The following SEPTIN1 variants were observed in gnomAD, a reference collection of about 807,000 sequenced individuals.
SEPTIN1 encodes the protein septin 1, also known as septin-1.
In SEPTIN1, 52 loss-of-function variants were observed where a neutral mutation model predicts 50.7. That is an observed-to-expected ratio of 1.03 (90% CI 0.82 to 1.29). The LOEUF is 1.29. Among genes scored for constraint, SEPTIN1 ranks in the 50% most tolerant of loss-of-function variants. SEPTIN1 has a pLI of 0.00. For missense variants in SEPTIN1, 455 were observed against 490.7 expected (o/e 0.93, Z 0.69); for synonymous variants, 204 against 189.1 (o/e 1.08, Z -0.65).
rs1256094548 is a variant in SEPTIN1, at chr16:30,381,250, C to G, written c.456-6G>C. The stretch of plus-strand genomic sequence containing the variant: ...CCACATCTAGGGGCCGGAGCCTGCA[C>G]CCAGGGATTGGTCATTGCCCAGCCT... On this transcript the variant is annotated splice_region_variant and splice_polypyrimidine_tract_variant and intron_variant, in intron 5 of 10. Coordinates refer to ENST00000321367, the MANE Select transcript of SEPTIN1 (RefSeq NM_001365977.2). This position sits in a 1 kb window ranked among gnomAD's most constrained non-coding sequence, Gnocchi z 4.3. 6.2e-7 allele frequency: 1 copy of G among 1,613,780 alleles called. No homozygotes were observed. The highest frequency in any genetic ancestry group is 1.1e-5 in the South Asian group (1 of 91,082).
rs543538377 is a variant in SEPTIN1 at position 30,379,986 on chromosome 16, G to T, written c.621C>A (p.Pro207=). The change falls in exon 7 of 11, where the codon CCC becomes CCA. Residue 207 remains proline (P), a synonymous_variant. Transcript: ENST00000321367. The stretch of plus-strand genomic sequence containing the variant: ...CTTCATCTTCATCAGAGTCACATTC[G>T]GGGAACTGGTAGATGTGGATCTCCT... ...KEEEIHIYQF[P]ECDSDEDEDF... The T allele has an allele frequency of 3.7e-6, 6 of 1,610,560 alleles. No homozygotes were observed. Among genetic ancestry groups the T allele is most frequent in the Non-Finnish European group, 4.2e-6 (5 of 1,177,264 alleles).
chr16:30,381,458 CA>C lies in SEPTIN1; in HGVS notation c.335del (p.Val112GlyfsTer18). Reference protein sequence around the residue: ...VDCSDCWLPVVKFIEEQFEQY... With the variant: ...VDCSDCWLPVXKFIEEQFEQY... ...GCTCAAATTGCTCCTCGATGAATTT[CA>C]CCACCGGAAGCCAGCTGGGTGTGGG... On this transcript the variant is annotated frameshift_variant, in exon 5 of 11. Transcript: ENST00000321367. LOFTEE classifies it high-confidence loss of function. The surrounding 1 kb of genome is among the most constrained non-coding windows in gnomAD (Gnocchi z 4.3). The C allele has an allele frequency of 6.2e-7, 1 of 1,614,046 alleles. No individual in the cohort carries two copies. The highest frequency in any genetic ancestry group is 8.5e-7 in the Non-Finnish European group (1 of 1,180,008).
rs762312601 is a variant in SEPTIN1, at chr16:30,381,244, C to T, written c.456G>A (p.Gly152=). ...GGAAGGCCACATCTAGGGGCCGGAG[C>T]CTGCACCCAGGGATTGGTCATTGCC... is the stretch of plus-strand genomic sequence containing the variant. ...CLYFISPFGR[G]LRPLDVAFLR... is the part of the protein sequence containing the mutation. The change falls in exon 6 of 11, where the codon GGG becomes GGA. Residue 152 remains glycine (G), a splice_region_variant and synonymous_variant. Coordinates refer to ENST00000321367, the MANE Select transcript of SEPTIN1 (RefSeq NM_001365977.2). The surrounding 1 kb of genome is among the most constrained non-coding windows in gnomAD (Gnocchi z 4.3). 1 of 1,613,958 alleles carries T rather than the reference C, an allele frequency of 6.2e-7. No individual in the cohort carries two copies. The highest frequency in any genetic ancestry group is 1.1e-5 in the South Asian group (1 of 91,076).
chr16:30,378,303 A>T lies in SEPTIN1; in HGVS notation c.*131T>A, dbSNP rs1025657594. 6.8e-6 allele frequency: 6 copies of T among 881,754 alleles called. No individual in the cohort carries two copies. Among genetic ancestry groups the T allele is most frequent in the Non-Finnish European group, 1.0e-5 (6 of 590,196 alleles). The allele number at this position is 881,754 out of a possible 1,614,324, so 54.6% of individuals were successfully genotyped here. On this transcript the variant is annotated 3_prime_UTR_variant, in exon 11 of 11. Coordinates refer to ENST00000321367, the MANE Select transcript of SEPTIN1 (RefSeq NM_001365977.2). ...CGGGGCTACGGACTCAGGCTGGGAGAACCTCCCCCTAGCCCGCGCGAGGGC... is the reference window on the plus strand; with the variant it reads ...CGGGGCTACGGACTCAGGCTGGGAGTACCTCCCCCTAGCCCGCGCGAGGGC...
chr16:30,379,666 T>TTTTTTTA (rs2049814819), intron 7 of SEPTIN1, 132 bp from the exon 8 acceptor site: 2 of 616,024 alleles, frequency 3.2e-6, no homozygotes, highest in African/African-American at 2.3e-5. Flanking sequence ...TTTTTTTTTT[T>TTTTTTTA]GAGACAGGGT....
rs766275412 is a variant in SEPTIN1, at chr16:30,378,463, C to T, written c.1090G>A (p.Ala364Thr). 2.1e-5 allele frequency: 33 copies of T among 1,575,594 alleles called. No homozygotes were observed. Among genetic ancestry groups the T allele is most frequent in the Non-Finnish European group, 2.6e-5 (30 of 1,165,184 alleles). ...AGGGCGTCTGACTGCTCGCCCTGGG[C>T]CTGGCTCTGCTGCATTTGGGCCTGC... Reference protein sequence around the residue: ...KMQAQMQQSQAQGEQSDAL With the variant: ...KMQAQMQQSQTQGEQSDAL Residue 364 changes from alanine (A) to threonine (T), a missense_variant, in exon 11 of 11, where the codon GCC (alanine) becomes ACC (threonine). By Grantham distance (58) the Ala-to-Thr change is moderately conservative. Transcript: ENST00000321367.
At chr16:30,379,235 C>A (rs1200477231) in intron 8 of SEPTIN1, 52 bp from the exon 9 acceptor site, 1 of 1,604,636 alleles carries the variant, frequency 6.2e-7, no homozygotes, top group Non-Finnish European at 8.5e-7. Context: ...TCGGGTCCAA[C>A]CCACCCGTAA....
rs148073093 is a variant in SEPTIN1 at position 30,382,247 on chromosome 16, C to T, written c.109+28G>A. The T allele has an allele frequency of 8.5e-5, 137 of 1,612,814 alleles. 1 individual carries two copies. In the East Asian group the frequency reaches 2.2e-3, roughly 26 times the overall value. On this transcript the variant is annotated intron_variant, in intron 2 of 10. Coordinates refer to ENST00000321367, the MANE Select transcript of SEPTIN1 (RefSeq NM_001365977.2). The surrounding 1 kb of genome is among the most constrained non-coding windows in gnomAD (Gnocchi z 4.8). ...CAGGGCCTCCTAAGGACATCCCCTC[C>T]GCAGTTCCCTCTCCAAAACCCCCAG...
upstream of SEPTIN1, chr16:30,382,804 TG>T (rs1391532441): frequency 6.5e-7 from 1 of 1,534,730 alleles, no homozygotes; most frequent in Admixed American, 2.0e-5. The surrounding 1 kb of genome is among the most constrained non-coding windows in gnomAD (Gnocchi z 4.8). Context: ...TGGTGAGACA[TG>T]GGGTATGTGC....
chr16:30,382,720 C>G, upstream of SEPTIN1: 1 of 1,536,078 alleles, frequency 6.5e-7, no homozygotes, highest in Non-Finnish European at 8.7e-7. This position sits in a 1 kb window ranked among gnomAD's most constrained non-coding sequence, Gnocchi z 4.8. Flanking sequence ...CTTTGCCCAT[C>G]ACCTGTCTAC....
intron 8 of SEPTIN1, 122 bp downstream of exon 8, chr16:30,379,313 C>A: frequency 7.0e-7 from 1 of 1,437,538 alleles, no homozygotes. Context: ...GCCCAGCGAC[C>A]CCCCTTTCCT....
At chr16:30,382,796 G>A (rs1463612048), upstream of SEPTIN1, 5 of 1,535,438 alleles carry the variant, frequency 3.3e-6, no homozygotes, top group Non-Finnish European at 4.4e-6. The surrounding 1 kb of genome is among the most constrained non-coding windows in gnomAD (Gnocchi z 4.8). Context: ...CATCATCGTG[G>A]TGAGACATGG....
chr16:30,379,481 CCCGCCA>C lies in SEPTIN1; in HGVS notation c.723_728del (p.Asp241_Gly243delinsGlu). 1 of 1,613,924 alleles carries C rather than the reference CCCGCCA, an allele frequency of 6.2e-7. No homozygotes were observed. Reference sequence around the variant, plus strand: ...AGCGGCGTCCCCTCACCGGCCGGTTCCCGCCATCCCTCACCACCTCGCATGATCCCA... The same window carrying C: ...AGCGGCGTCCCCTCACCGGCCGGTTCTCCCTCACCACCTCGCATGATCCCA... On this transcript the variant is annotated inframe_deletion, in exon 8 of 11. Transcript: ENST00000321367.
Position 30,381,709 on chromosome 16 carries a change from G to A in SEPTIN1, c.320+51C>T. The A allele has an allele frequency of 6.2e-7, 1 of 1,605,928 alleles. No individual in the cohort carries two copies. Among genetic ancestry groups the A allele is most frequent in the Non-Finnish European group, 8.5e-7 (1 of 1,176,100 alleles). On this transcript the variant is annotated intron_variant, in intron 4 of 10. Transcript: ENST00000321367. This position sits in a 1 kb window ranked among gnomAD's most constrained non-coding sequence, Gnocchi z 4.3. Reference sequence around the variant, plus strand: ...ACAAACCAGTCCTGTAACTCTCCAGGGAGTCGCCACTGTGAAAGGCTGAGC... The same window carrying A: ...ACAAACCAGTCCTGTAACTCTCCAGAGAGTCGCCACTGTGAAAGGCTGAGC...
intron 8 of SEPTIN1, 38 bp downstream of exon 8, chr16:30,379,397 C>T (rs368210646): frequency 4.5e-6 from 7 of 1,572,486 alleles, no homozygotes; most frequent in African/African-American, 4.0e-5. Context: ...GCCCCGGGCT[C>T]CCTGCTGGCC....
chr16:30,380,045 CAG>C lies in SEPTIN1; in HGVS notation c.574-14_574-13del, dbSNP rs1228854204. The C allele has an allele frequency of 2.5e-6, 4 of 1,605,444 alleles. No homozygotes were observed. The highest frequency in any genetic ancestry group is 1.1e-5 in the South Asian group (1 of 90,028). The stretch of plus-strand genomic sequence containing the variant: ...AACTGATCCCGGATCTCAGGGGAAA[CAG>C]ATATAGAGACAGTGTGAAACGGGCC... On this transcript the variant is annotated splice_polypyrimidine_tract_variant and intron_variant, in intron 6 of 10. Transcript: ENST00000321367.
Position 30,381,751 on chromosome 16 carries a change from C to G in SEPTIN1, c.320+9G>C. On this transcript the variant is annotated intron_variant, in intron 4 of 10. Coordinates refer to ENST00000321367, the MANE Select transcript of SEPTIN1 (RefSeq NM_001365977.2). The surrounding 1 kb of genome is among the most constrained non-coding windows in gnomAD (Gnocchi z 4.3). ...AGGCTGAGCCTCTGTCCCCTTTCCT[C>G]TTCCTCACCAGTCAGAGCAGTCCAC... The G allele has an allele frequency of 6.2e-7, 1 of 1,613,836 alleles. No homozygotes were observed. The highest frequency in any genetic ancestry group is 8.5e-7 in the Non-Finnish European group (1 of 1,179,896).
In SEPTIN1 at chr16:30,382,414, G is replaced by T; in HGVS notation, c.19-49C>A. On this transcript the variant is annotated intron_variant, in intron 1 of 10. Transcript: ENST00000321367. The surrounding 1 kb of genome is among the most constrained non-coding windows in gnomAD (Gnocchi z 4.8). ...GAGGCTGCTGGCAATGGCAGGCAGG[G>T]TCCCCAGGATCACTTGAGTTCCTGG... 1.3e-6 allele frequency: 2 copies of T among 1,571,212 alleles called. No individual in the cohort carries two copies. Among genetic ancestry groups the T allele is most frequent in the Non-Finnish European group, 1.7e-6 (2 of 1,148,546 alleles).
In SEPTIN1 at chr16:30,382,274, C is replaced by G; in HGVS notation, c.109+1G>C. On this transcript the variant is annotated splice_donor_variant, in intron 2 of 10. Coordinates refer to ENST00000321367, the MANE Select transcript of SEPTIN1 (RefSeq NM_001365977.2). LOFTEE classifies it high-confidence loss of function. This position sits in a 1 kb window ranked among gnomAD's most constrained non-coding sequence, Gnocchi z 4.8. ...CAGTTCCCTCTCCAAAACCCCCAGA[C>G]CTGCCACCATTAGCGTGAAGTCAAA... 6.2e-7 allele frequency: 1 copy of G among 1,613,666 alleles called. No individual in the cohort carries two copies. The highest frequency in any genetic ancestry group is 8.5e-7 in the Non-Finnish European group (1 of 1,179,708).
Sources: allele counts gnomAD v4.1 joint callset, GRCh38; gene constraint gnomAD v4.1.1; non-coding constraint Gnocchi (gnomAD v3.1); transcripts MANE v1.5; gene names NCBI Gene and HGNC (gene_info 2026-07-23, HGNC 2026-07-21).